Variants in CARHSP1 observed in about 807,000 individuals in gnomAD.
CARHSP1 encodes the protein calcium-regulated heat-stable protein 1.
In CARHSP1, 14 loss-of-function variants were observed where a neutral mutation model predicts 12.5. The ratio of observed to expected loss-of-function variants is 1.12; its 90% CI spans 0.74 to 1.75. CARHSP1 has a LOEUF of 1.75. Ranked by LOEUF, CARHSP1 falls within the 40% of genes most tolerant of loss-of-function variation. The pLI is 0.00. For missense variants in CARHSP1, 343 were observed against 201.6 expected, an observed-to-expected ratio of 1.70 and a Z score of -4.25; for synonymous variants, 161 against 82.0, an observed-to-expected ratio of 1.96 and a Z score of -5.20.
chr16:8,860,339 C>T, intron 1 of CARHSP1: 1 of 985,408 alleles, frequency 1.0e-6, no homozygotes, highest in Non-Finnish European at 1.2e-6. Context: ...CTTCTGTGAC[C>T]CCTAGTATGT....
At chr16:8,864,855 G>C (rs1287092591) in intron 1 of CARHSP1, among the ~76,000 whole-genome samples, 1 of 152,212 alleles carries the variant, frequency 6.6e-6, no homozygotes, top group Non-Finnish European at 1.5e-5. Flanking sequence ...CCTCCTGGAA[G>C]GTTCTGGAGT....
intron 1 of CARHSP1, chr16:8,860,599 C>T (rs1381527826): frequency 2.6e-6 from 2 of 769,232 alleles, no homozygotes; most frequent in South Asian, 5.9e-5. Context: ...GCTGGGTGGG[C>T]ATCACTTGGC....
Position 8,859,158 on chromosome 16 carries a change from G to A in CARHSP1, c.158+13C>T, listed in dbSNP as rs769501439. 3.8e-6 allele frequency: 6 copies of A among 1,589,142 alleles called. No homozygotes were observed. The African/African-American group carries it at 4.1e-5, about 11-fold the overall frequency. On this transcript the variant is annotated intron_variant, in intron 2 of 3. Transcript: ENST00000311052. ...CCATCTGAGAACGCGTCCCCAGCCT[G>A]CTCCAGACTCACGCCGAGAAGGTCC...
intron 1 of CARHSP1, among the ~76,000 whole-genome samples, chr16:8,863,967 G>A (rs1008528065): frequency 2.6e-5 from 4 of 152,156 alleles, no homozygotes; most frequent in Non-Finnish European, 4.4e-5. Context: ...CAGAAGACAG[G>A]GCCTGCCCTC....
At chr16:8,862,349 C>G (rs1190886494) in intron 1 of CARHSP1, among the ~76,000 whole-genome samples, 1 of 152,108 alleles carries the variant, frequency 6.6e-6, no homozygotes, top group African/African-American at 2.4e-5. Flanking sequence ...GGCACACTGT[C>G]CGCCCAGGTC....
intron 1 of CARHSP1, among the ~76,000 whole-genome samples, chr16:8,860,695 G>T (rs573262074): frequency 8.5e-5 from 13 of 152,052 alleles, no homozygotes; most frequent in Admixed American, 8.5e-4. Flanking sequence ...CCACACAGCC[G>T]GGAGGGACAG....
chr16:8,855,126 T>C lies in CARHSP1; in HGVS notation c.*38A>G, dbSNP rs201587341. 207 of 1,462,914 alleles carry C rather than the reference T, an allele frequency of 1.4e-4. 2 individuals carry two copies. The highest frequency in any genetic ancestry group is 1.8e-4 in the Non-Finnish European group (197 of 1,094,734). The allele number at this position is 1,462,914 out of a possible 1,614,324, so 90.6% of individuals were successfully genotyped here. A position where few individuals can be genotyped will look rare whatever the true frequency, so the allele number is the denominator to read the frequency against. On this transcript the variant is annotated 3_prime_UTR_variant, in exon 4 of 4. Coordinates refer to ENST00000311052, the MANE Select transcript of CARHSP1 (RefSeq NM_014316.4). ...TCTGCTGCCTCCTCCCTGCAAAGTC[T>C]CCCACAAGCACAGGACAAGGGGTGC...
chr16:8,859,325 A>C lies in CARHSP1; in HGVS notation c.4T>G (p.Ser2Ala), dbSNP rs762597812. The change falls in exon 2 of 4, where the codon TCA becomes GCA. Residue 2 changes from serine (S) to alanine (A), a missense_variant. By Grantham distance (99) the Ser-to-Ala change is moderately conservative. Transcript: ENST00000311052. MSSEPPPPPQPP... is the reference protein window; with the variant it reads MASEPPPPPQPP... Reference sequence around the variant, plus strand: ...TGTGGTGGTGGGGGAGGCTCAGATGACATGGCTGACCTGGAAAGAGAAGAG... The same window carrying C: ...TGTGGTGGTGGGGGAGGCTCAGATGCCATGGCTGACCTGGAAAGAGAAGAG... 6.3e-7 allele frequency: 1 copy of C among 1,599,950 alleles called. No individual in the cohort carries two copies. The highest frequency in any genetic ancestry group is 1.1e-5 in the South Asian group (1 of 89,976).
chr16:8,855,327 C>T lies in CARHSP1; in HGVS notation c.282-1G>A, dbSNP rs1222291499. The T allele has an allele frequency of 6.4e-7, 1 of 1,567,206 alleles. No homozygotes were observed. ...CACTGGGACATACTCCCCTTCCACA[C>T]TACGGGGGCATAAATAAAGCAGTCA... On this transcript the variant is annotated splice_acceptor_variant, in intron 3 of 3. Coordinates refer to ENST00000311052, the MANE Select transcript of CARHSP1 (RefSeq NM_014316.4). LOFTEE classifies it high-confidence loss of function.
chr16:8,866,646 C>T (rs899971563), intron 1 of CARHSP1, among the ~76,000 whole-genome samples: 2 of 151,884 alleles, frequency 1.3e-5, no homozygotes, highest in Non-Finnish European at 2.9e-5. Flanking sequence ...CCACATTCCC[C>T]TCCATTGTTC....
chr16:8,855,501 C>T (rs185446362), intron 3 of CARHSP1, among the ~76,000 whole-genome samples, 175 bp from the exon 4 acceptor site: 200 of 152,312 alleles, frequency 1.3e-3, no homozygotes, highest in Non-Finnish European at 1.4e-3. Context: ...CACACTGCCC[C>T]CAGCCTCTGT....
chr16:8,864,586 TCAGA>T (rs1190857253), intron 1 of CARHSP1, among the ~76,000 whole-genome samples: 2 of 152,096 alleles, frequency 1.3e-5, no homozygotes, highest in African/African-American at 4.8e-5. Context: ...ACGGAGTAAG[TCAGA>T]CAGCAGAAAT....
At chr16:8,860,505 AGAG>A in intron 1 of CARHSP1, 3 of 985,442 alleles carry the variant, frequency 3.0e-6, no homozygotes, top group Non-Finnish European at 3.6e-6. Context: ...TTCAGGGGAA[AGAG>A]AAACAGTCCA....
intron 2 of CARHSP1, chr16:8,858,869 C>T (rs1244047270): frequency 2.4e-6 from 1 of 409,084 alleles, no homozygotes; most frequent in African/African-American, 2.0e-5. Flanking sequence ...TTTGCAGCTG[C>T]AGAATTCACA....
chr16:8,859,631 ACAT>A (rs2061280361), intron 1 of CARHSP1, among the ~76,000 whole-genome samples: 1 of 152,032 alleles, frequency 6.6e-6, no homozygotes, highest in Non-Finnish European at 1.5e-5. Context: ...GGATCCCGGC[ACAT>A]TTGGGACACA....
Position 8,859,225 on chromosome 16 carries a change from C to T in CARHSP1, c.104G>A (p.Arg35Gln), listed in dbSNP as rs746651185. Residue 35 changes from arginine (R) to glutamine (Q), a missense_variant, in exon 2 of 4, where the codon CGG becomes CAG. Arg to Gln is a conservative substitution (Grantham distance 43). Coordinates refer to ENST00000311052, the MANE Select transcript of CARHSP1 (RefSeq NM_014316.4). ...RSRERSPSPL[R>Q]GNVVPSPLPT... is the part of the protein sequence containing the mutation. Reference sequence around the variant, plus strand: ...CAGTGGGCTTGGGACCACGTTGCCCCGCAGAGGGGATGGTGAGCGCTCACG... The same window carrying T: ...CAGTGGGCTTGGGACCACGTTGCCCTGCAGAGGGGATGGTGAGCGCTCACG... 9.8e-5 allele frequency: 157 copies of T among 1,601,130 alleles called. No homozygotes were observed. Among genetic ancestry groups the T allele is most frequent in the Non-Finnish European group, 1.2e-4 (143 of 1,176,360 alleles).
At chr16:8,856,985 T>TCCTGGAG (rs1276630192) in intron 3 of CARHSP1, among the ~76,000 whole-genome samples, 1 of 152,072 alleles carries the variant, frequency 6.6e-6, no homozygotes, top group Non-Finnish European at 1.5e-5. Context: ...CAAACTTCCT[T>TCCTGGAG]CCTGGAGCAA....
chr16:8,864,724 C>T (rs2061426749), intron 1 of CARHSP1, among the ~76,000 whole-genome samples: 1 of 152,194 alleles, frequency 6.6e-6, no homozygotes, highest in Admixed American at 6.5e-5. Context: ...AGGGAGGGAG[C>T]CCAGGGTGGT....
At chr16:8,861,689 A>G in intron 1 of CARHSP1, 1 of 1,288,998 alleles carries the variant, frequency 7.8e-7, no homozygotes, top group Non-Finnish European at 1.0e-6. Flanking sequence ...TCTCAGCTAC[A>G]GCCGCGGCCA....
Sources: gnomAD v4.1 joint callset for allele counts (sites outside exome capture counted in the v4.1 genomes callset) on GRCh38, gnomAD v4.1.1 for gene constraint, MANE v1.5 for transcripts, NCBI Gene and HGNC (gene_info 2026-07-23, HGNC 2026-07-21) for gene names.